The following ACBD5 variants were observed in gnomAD, a reference collection of about 807,000 sequenced individuals.
ACBD5 encodes acyl-CoA binding domain containing 5.
Under a neutral mutation model 71.8 loss-of-function variants are expected in ACBD5, and 40 were observed. That is an observed-to-expected ratio of 0.56 (90% CI 0.43 to 0.72). The LOEUF (loss-of-function observed/expected upper bound fraction) is 0.72. Among genes scored for constraint, ACBD5 ranks in the 30% least tolerant of loss-of-function variants. ACBD5 has a pLI of 0.00. For synonymous variants in ACBD5, 229 were observed against 218.6 expected (o/e 1.05, Z -0.42); for missense variants, 559 against 644.5 (o/e 0.87, Z 1.44).
Position 27,240,097 on chromosome 10 carries a change from CTT to C in ACBD5, c.181+220_181+221del, listed in dbSNP as rs1409729321. 6.6e-5 allele frequency among the ~76,000 whole-genome samples: 10 copies of C among 152,260 alleles called. No homozygotes were observed. In the East Asian group the frequency reaches 1.7e-3, roughly 26 times the overall value. ...AATCCGCAGTCATTAAGTGACAAGA[CTT>C]TTGTTTTCAACAATATGAAGTACTT... On this transcript the variant is annotated intron_variant, in intron 2 of 12. Coordinates refer to ENST00000396271, the MANE Select transcript of ACBD5 (RefSeq NM_145698.5). This position sits in a 1 kb window ranked among gnomAD's most constrained non-coding sequence, Gnocchi z 4.1.
In ACBD5 at chr10:27,208,434, G is replaced by T; in HGVS notation, c.1216C>A (p.Gln406Lys). ...NVRRGRGHRMQHLSEGTKGRQ... is the reference protein window; with the variant it reads ...NVRRGRGHRMKHLSEGTKGRQ... Reference sequence around the variant, plus strand: ...CCCTTGGTTCCTTCGCTCAAGTGTTGCATCCTATGTCCTATTTTAAGAGGC... The same window carrying T: ...CCCTTGGTTCCTTCGCTCAAGTGTTTCATCCTATGTCCTATTTTAAGAGGC... The change falls in exon 10 of 13, where the codon CAA (glutamine) becomes AAA (lysine). Residue 406 changes from glutamine to lysine, a missense_variant. By Grantham distance (53) the Gln-to-Lys change is moderately conservative. Coordinates refer to ENST00000396271, the MANE Select transcript of ACBD5 (RefSeq NM_145698.5). The T allele has an allele frequency of 6.2e-7, 1 of 1,613,794 alleles. No individual in the cohort carries two copies. Among genetic ancestry groups the T allele is most frequent in the African/African-American group, 1.3e-5 (1 of 75,038 alleles).
intron 12 of ACBD5, among the ~76,000 whole-genome samples, chr10:27,198,157 T>C (rs186046841): frequency 4.9e-4 from 74 of 152,324 alleles, no homozygotes; most frequent in Admixed American, 6.5e-5. Flanking sequence ...TATGTTTCTA[T>C]TACTTTCCAG....
rs766758680 is a variant in ACBD5, at chr10:27,205,267, G to T, written c.1405-19C>A. 1.2e-6 allele frequency: 2 copies of T among 1,610,028 alleles called. No homozygotes were observed. The highest frequency in any genetic ancestry group is 1.7e-6 in the Non-Finnish European group (2 of 1,177,398). On this transcript the variant is annotated intron_variant, in intron 10 of 12. Transcript: ENST00000396271. ...ATTTTGCCTGTAAATGCAAATGAAG[G>T]TGACTTAGCCTTGAAAAAATGAAAA... is the stretch of plus-strand genomic sequence containing the variant.
intron 8 of ACBD5, 143 bp downstream of exon 8, chr10:27,215,391 AG>A: frequency 3.2e-6 from 2 of 632,898 alleles, no homozygotes; most frequent in South Asian, 3.9e-5. Flanking sequence ...CATAAAAAAT[AG>A]TTTAAAATAC....
chr10:27,225,136 C>A (rs2800406), intron 4 of ACBD5, among the ~76,000 whole-genome samples: 105,610 of 148,944 alleles, frequency 0.71, 37,587 homozygotes, highest in Admixed American at 0.72. Context: ...TGTAGTGCAG[C>A]GGCACGATCT....
intron 13 of ACBD5, among the ~76,000 whole-genome samples, chr10:27,189,769 A>AATAT (rs71386921): frequency 1.4e-5 from 2 of 145,004 alleles, no homozygotes; most frequent in African/African-American, 2.6e-5. Flanking sequence ...GTATAATAAA[A>AATAT]ATATATATAT....
At chr10:27,219,590 A>G (rs2062082657) in intron 6 of ACBD5, 133 bp downstream of exon 6, 1 of 1,234,420 alleles carries the variant, frequency 8.1e-7, no homozygotes, top group Admixed American at 1.7e-5. Context: ...TCCACAGCAA[A>G]CTTGTTTATA....
At chr10:27,206,093 G>C (rs187523375) in intron 10 of ACBD5, among the ~76,000 whole-genome samples, 1 of 151,688 alleles carries the variant, frequency 6.6e-6, no homozygotes, top group Admixed American at 6.6e-5. Flanking sequence ...GTAGACACAG[G>C]GTCTTGCCAT....
At chr10:27,211,223 T>A (rs1281593938) in intron 8 of ACBD5, 142 bp from the exon 9 acceptor site, 1 of 901,466 alleles carries the variant, frequency 1.1e-6, no homozygotes, top group Non-Finnish European at 1.7e-6. Flanking sequence ...CTAAAAAATG[T>A]CTTCAATTCA....
At chr10:27,233,762 C>T (rs906923829) in intron 3 of ACBD5, among the ~76,000 whole-genome samples, 1 of 151,854 alleles carries the variant, frequency 6.6e-6, no homozygotes, top group Non-Finnish European at 1.5e-5. Flanking sequence ...ACCACTGGGG[C>T]GGGAGCGGGG....
intron 10 of ACBD5, among the ~76,000 whole-genome samples, chr10:27,207,679 T>A (rs1377606000): frequency 6.6e-6 from 1 of 152,240 alleles, no homozygotes; most frequent in African/African-American, 2.4e-5. Flanking sequence ...TAAATCAAGC[T>A]GTAGTATCTC....
chr10:27,220,022 T>A (rs1394418144), intron 5 of ACBD5, among the ~76,000 whole-genome samples, 165 bp from the exon 6 acceptor site: 3 of 152,164 alleles, frequency 2.0e-5, no homozygotes, highest in African/African-American at 7.2e-5. Context: ...ATACATATAT[T>A]ACAAGACAAA....
downstream of ACBD5, among the ~76,000 whole-genome samples, chr10:27,192,507 G>A (rs980681697): frequency 3.3e-5 from 5 of 152,102 alleles, no homozygotes; most frequent in Non-Finnish European, 1.5e-5. Context: ...GGGCAGCAAT[G>A]GGCATAGCTG....
chr10:27,217,067 A>C (rs2061714850), intron 7 of ACBD5, among the ~76,000 whole-genome samples: 1 of 149,206 alleles, frequency 6.7e-6, no homozygotes, highest in Admixed American at 6.7e-5. Flanking sequence ...AATGGCGTGA[A>C]ACCAGGAGGC....
chr10:27,238,724 G>GAATTTTTA (rs2065078942), intron 2 of ACBD5, among the ~76,000 whole-genome samples: 1 of 151,958 alleles, frequency 6.6e-6, no homozygotes, highest in Admixed American at 6.6e-5. Context: ...TGCATTTAAT[G>GAATTTTTA]AATTTTTATT....
upstream of ACBD5, among the ~76,000 whole-genome samples, chr10:27,241,848 T>TA (rs1287423894): frequency 6.6e-6 from 1 of 152,112 alleles, no homozygotes; most frequent in Non-Finnish European, 1.5e-5. Flanking sequence ...CCTGCGTCCT[T>TA]AGGCATTTGG....
chr10:27,192,571 G>A (rs2059123565), downstream of ACBD5, among the ~76,000 whole-genome samples: 1 of 152,162 alleles, frequency 6.6e-6, no homozygotes, highest in South Asian at 2.1e-4. Flanking sequence ...GGAGGAGGAA[G>A]AGCGCTCCAA....
upstream of ACBD5, among the ~76,000 whole-genome samples, chr10:27,241,568 G>A (rs2065496542): frequency 6.6e-6 from 1 of 152,128 alleles, no homozygotes. Flanking sequence ...GATTTAATAG[G>A]AGACTGGGCA....
At position 27,186,081 on chromosome 10, in the gene ACBD5, C is replaced by T. The variant is rs10764685; in HGVS notation, c.1494-3366G>A. Among the ~76,000 whole-genome samples the T allele has an allele frequency of 0.6, 91,858 of 152,002 alleles. 28,037 individuals carry two copies. Among genetic ancestry groups the T allele is most frequent in the Non-Finnish European group, 0.65 (44,100 of 67,964 alleles). On this transcript the variant is annotated intron_variant, in intron 13 of 13. Transcript: ENST00000676511. ...TTCAGCCTGGGCAACGGAGCGAGAC[C>T]TCGTCTCAAAAAAAAAGCTGTGAGA...
Sources: gnomAD v4.1 joint callset for allele counts (sites outside exome capture counted in the v4.1 genomes callset) on GRCh38, gnomAD v4.1.1 for gene constraint, Gnocchi (gnomAD v3.1) non-coding constraint, MANE v1.5 for transcripts, NCBI Gene and HGNC (gene_info 2026-07-23, HGNC 2026-07-21) for gene names.